The following SGIP1 variants were observed in gnomAD, a reference collection of about 807,000 sequenced individuals.
SGIP1 encodes the protein SH3-containing GRB2-like protein 3-interacting protein 1.
Under a neutral mutation model 107.5 loss-of-function variants are expected in SGIP1, and 38 were observed. The ratio of observed to expected loss-of-function variants is 0.35; its 90% CI spans 0.27 to 0.46. The LOEUF (loss-of-function observed/expected upper bound fraction) is 0.46, where lower values mean the gene tolerates loss of function less well. Among genes scored for constraint, SGIP1 ranks in the 20% least tolerant of loss-of-function variants. The pLI is 1.00. For synonymous variants in SGIP1, 365 were observed against 366.1 expected (o/e 1.00, Z 0.03); for missense variants, 929 against 1,019.5 (o/e 0.91, Z 1.21).
chr1:66,633,947 C>A, intron 3 of SGIP1: 2 of 687,934 alleles, frequency 2.9e-6, no homozygotes, highest in South Asian at 1.9e-5. Flanking sequence ...AGGAATTTTC[C>A]TTCCACACTT....
chr1:66,617,963 T>C (rs2069828174), intron 1 of SGIP1, among the ~76,000 whole-genome samples: 3 of 152,194 alleles, frequency 2.0e-5, no homozygotes, highest in Admixed American at 1.3e-4. Flanking sequence ...TGTTTTAAAA[T>C]GTGATCTGCT....
intron 1 of SGIP1, among the ~76,000 whole-genome samples, chr1:66,580,117 G>A (rs959579213): frequency 6.6e-6 from 1 of 152,004 alleles, no homozygotes; most frequent in African/African-American, 2.4e-5. Context: ...ATGACAAGCA[G>A]GGTGACCCTT....
chr1:66,740,061 T>C (rs1428190811), intron 22 of SGIP1, among the ~76,000 whole-genome samples: 1 of 152,156 alleles, frequency 6.6e-6, no homozygotes, highest in Non-Finnish European at 1.5e-5. Flanking sequence ...CTTCTAAATC[T>C]CAAACCGTGC....
chr1:66,593,501 G>A (rs1043660139), intron 1 of SGIP1, among the ~76,000 whole-genome samples: 3 of 152,194 alleles, frequency 2.0e-5, no homozygotes, highest in Non-Finnish European at 4.4e-5. Context: ...ACTACAACAT[G>A]TGGCTGATTT....
chr1:66,619,110 C>T (rs1309917041), intron 1 of SGIP1, among the ~76,000 whole-genome samples: 4 of 152,152 alleles, frequency 2.6e-5, no homozygotes, highest in African/African-American at 9.7e-5. Flanking sequence ...CTTAAAGCTC[C>T]TCTTCTTCTC....
chr1:66,582,024 C>T (rs576142592), intron 1 of SGIP1, among the ~76,000 whole-genome samples: 1 of 152,122 alleles, frequency 6.6e-6, no homozygotes, highest in African/African-American at 2.4e-5. Context: ...AAGTATCTTA[C>T]CTCACAAAAA....
chr1:66,737,490 C>T (rs1296113611), intron 21 of SGIP1, among the ~76,000 whole-genome samples: 1 of 151,854 alleles, frequency 6.6e-6, no homozygotes, highest in African/African-American at 2.4e-5. Context: ...CCCAGGAGTT[C>T]GAGACTAGCC....
At chr1:66,608,709 GT>G (rs1570530962) in intron 1 of SGIP1, among the ~76,000 whole-genome samples, 1 of 152,228 alleles carries the variant, frequency 6.6e-6, no homozygotes, top group East Asian at 1.9e-4. Context: ...ATTTTCTGCT[GT>G]TTTTCTAGTC....
At chr1:66,575,620 C>T (rs2060957657) in intron 1 of SGIP1, among the ~76,000 whole-genome samples, 1 of 152,142 alleles carries the variant, frequency 6.6e-6, no homozygotes, top group African/African-American at 2.4e-5. Flanking sequence ...GTTCAGTTTT[C>T]ACCAATAGAA....
chr1:66,628,017 GA>G (rs1205344286), intron 2 of SGIP1, among the ~76,000 whole-genome samples: 6 of 151,490 alleles, frequency 4.0e-5, no homozygotes, highest in African/African-American at 1.5e-4. Flanking sequence ...TTGTCCTCGC[GA>G]TAGTTTGCTG....
chr1:66,548,226 TTTTTA>T (rs1183730942), intron 1 of SGIP1, among the ~76,000 whole-genome samples: 3 of 152,128 alleles, frequency 2.0e-5, no homozygotes, highest in Non-Finnish European at 4.4e-5. Flanking sequence ...CTTTTTTTAT[TTTTTA>T]TTTTATTTTT....
intron 1 of SGIP1, among the ~76,000 whole-genome samples, chr1:66,621,451 C>T (rs1270297992): frequency 6.6e-6 from 1 of 152,158 alleles, no homozygotes; most frequent in African/African-American, 2.4e-5. Flanking sequence ...AAAATACACA[C>T]AAAATAAAAT....
At chr1:66,596,208 T>C (rs188879701) in intron 1 of SGIP1, among the ~76,000 whole-genome samples, 143 of 152,290 alleles carry the variant, frequency 9.4e-4, no homozygotes, top group African/African-American at 3.2e-3. Context: ...CAGCAGTTCC[T>C]GAGCTCTTGT....
chr1:66,626,632 C>T (rs139142860), intron 2 of SGIP1, among the ~76,000 whole-genome samples: 35 of 152,262 alleles, frequency 2.3e-4, no homozygotes, highest in African/African-American at 8.4e-4. Flanking sequence ...GACACAAAAC[C>T]TCAGTTGCCT....
At chr1:66,693,391 T>A (rs1201378755) in intron 17 of SGIP1, among the ~76,000 whole-genome samples, 2 of 152,134 alleles carry the variant, frequency 1.3e-5, no homozygotes, top group African/African-American at 4.8e-5. Flanking sequence ...TGCTTAAAGT[T>A]ATTCTAAGAA....
At chr1:66,694,638 T>A in intron 17 of SGIP1, 1 of 569,070 alleles carries the variant, frequency 1.8e-6, no homozygotes, top group Non-Finnish European at 2.8e-6. Flanking sequence ...GCACCCTGTA[T>A]ATTTACTGTT....
At chr1:66,646,586 T>C (rs554171417) in intron 7 of SGIP1, among the ~76,000 whole-genome samples, 2 of 152,326 alleles carry the variant, frequency 1.3e-5, no homozygotes, top group East Asian at 3.9e-4. Flanking sequence ...CATGAATTGG[T>C]TTTATTATAC....
At chr1:66,629,525 A>C (rs1009145788) in intron 2 of SGIP1, among the ~76,000 whole-genome samples, 6 of 152,170 alleles carry the variant, frequency 3.9e-5, no homozygotes, top group Non-Finnish European at 8.8e-5. Context: ...TTCATCACCC[A>C]AAAGAAAAGA....
chr1:66,544,753 C>A (rs957299036), intron 1 of SGIP1, among the ~76,000 whole-genome samples: 2 of 152,118 alleles, frequency 1.3e-5, no homozygotes, highest in African/African-American at 4.8e-5. Flanking sequence ...CCCACCTTTA[C>A]AAATGCCCTT....
Sources: allele counts gnomAD v4.1 joint callset (sites outside exome capture counted in the v4.1 genomes callset), GRCh38; gene constraint gnomAD v4.1.1; transcripts MANE v1.5; gene names NCBI Gene and HGNC (gene_info 2026-07-23, HGNC 2026-07-21).